The following DSCAML1 variants were observed in gnomAD, a reference collection of about 807,000 sequenced individuals.
DSCAML1 encodes the protein DS cell adhesion molecule like 1.
Under a neutral mutation model 200.5 loss-of-function variants are expected in DSCAML1, and 38 were observed. That is an observed-to-expected ratio of 0.19 (90% CI 0.15 to 0.25). The LOEUF (loss-of-function observed/expected upper bound fraction) is 0.25. Ranked by LOEUF, DSCAML1 falls within the 10% of genes least tolerant of loss-of-function variation. The pLI is 1.00. For synonymous variants in DSCAML1, 1,215 were observed against 1,165.0 expected (o/e 1.04, Z -0.87); for missense variants, 2,223 against 2,858.8 (o/e 0.78, Z 5.07).
At position 117,700,554 on chromosome 11, in the gene DSCAML1, C is replaced by T. The variant is rs112792143; in HGVS notation, c.511+76237G>A. On this transcript the variant is annotated intron_variant, in intron 3 of 32. Transcript: ENST00000651296. ...CCAGTATTGGGCCAGATGTAGCACA[C>T]GTGAGGCCAGCTAGCTAGTGACTGA... Among the ~76,000 whole-genome samples, 312 of 152,334 alleles carry T rather than the reference C, an allele frequency of 2.0e-3. 1 individual carries two copies. The highest frequency in any genetic ancestry group is 7.0e-3 in the African/African-American group (291 of 41,578).
At chr11:117,464,284 CAT>C (rs1235619042) in intron 17 of DSCAML1, among the ~76,000 whole-genome samples, 1 of 152,098 alleles carries the variant, frequency 6.6e-6, no homozygotes, top group African/African-American at 2.4e-5. Flanking sequence ...TCTCTGGGAG[CAT>C]CAGGGGCCAT....
intron 1 of DSCAML1, 62 bp downstream of exon 1, chr11:117,796,972 C>T: frequency 8.2e-7 from 1 of 1,217,614 alleles, no homozygotes; most frequent in Non-Finnish European, 1.0e-6. Context: ...CCCCGCCTCG[C>T]CGCCAGCCGC....
In DSCAML1 at chr11:117,433,424, A is replaced by C; in HGVS notation, c.4907+17T>G. On this transcript the variant is annotated intron_variant, in intron 28 of 32. Transcript: ENST00000651296. ...GGGGAGAAGGGAGGAGAAAGGAAGC[A>C]GCTTGGTGATACCCACCTTATCAAC... 1 of 1,613,356 alleles carries C rather than the reference A, an allele frequency of 6.2e-7. No individual in the cohort carries two copies. Among genetic ancestry groups the C allele is most frequent in the Non-Finnish European group, 8.5e-7 (1 of 1,179,862 alleles).
chr11:117,613,344 G>C (rs2051736076), intron 3 of DSCAML1, among the ~76,000 whole-genome samples: 1 of 152,110 alleles, frequency 6.6e-6, no homozygotes, highest in South Asian at 2.1e-4. Flanking sequence ...ATAAATCTGG[G>C]AAGACTCCCT....
chr11:117,639,098 G>A (rs2052348259), intron 3 of DSCAML1, among the ~76,000 whole-genome samples: 1 of 152,082 alleles, frequency 6.6e-6, no homozygotes, highest in Non-Finnish European at 1.5e-5. Context: ...TTAACAACTA[G>A]GGTCCAGAGG....
At chr11:117,462,884 C>T (rs2048508048) in intron 17 of DSCAML1, among the ~76,000 whole-genome samples, 1 of 152,246 alleles carries the variant, frequency 6.6e-6, no homozygotes, top group Non-Finnish European at 1.5e-5. Context: ...AAACTTTCTT[C>T]TCCCCTCTCC....
chr11:117,458,877 G>C lies in DSCAML1; in HGVS notation c.3445C>G (p.Arg1149Gly), dbSNP rs373841969. 2.5e-6 allele frequency: 4 copies of C among 1,613,858 alleles called. No individual in the cohort carries two copies. The East Asian group carries it at 8.9e-5, about 36-fold the overall frequency. ...ATGCCCCGCAGCTCCACCCGCTCCC[G>C]CGTGGTGGTGATGTTCTGCATCTCG... ...WGEMQNITTT[R>G]ERVELRGMEK... The change falls in exon 19 of 33, where the codon CGG becomes GGG. Residue 1149 changes from arginine to glycine, a missense_variant. Arg to Gly is a moderately radical substitution (Grantham distance 125). Transcript: ENST00000651296.
intron 16 of DSCAML1, among the ~76,000 whole-genome samples, chr11:117,467,156 C>T (rs1222212007): frequency 6.6e-6 from 1 of 151,796 alleles, no homozygotes; most frequent in Non-Finnish European, 1.5e-5. Context: ...CTGATAGACA[C>T]CCAGCCAGGT....
At chr11:117,533,814 CG>C (rs2050122253) in intron 3 of DSCAML1, among the ~76,000 whole-genome samples, 1 of 150,552 alleles carries the variant, frequency 6.6e-6, no homozygotes, top group Non-Finnish European at 1.5e-5. Flanking sequence ...GGTTGGGGGG[CG>C]GGGTTTGCAC....
At chr11:117,607,005 C>T (rs1448806344) in intron 3 of DSCAML1, among the ~76,000 whole-genome samples, 2 of 152,180 alleles carry the variant, frequency 1.3e-5, no homozygotes, top group African/African-American at 4.8e-5. Flanking sequence ...ACAGCCCTGC[C>T]CTTGGGAGAC....
chr11:117,487,468 C>T (rs996287261), intron 11 of DSCAML1, among the ~76,000 whole-genome samples: 2 of 152,046 alleles, frequency 1.3e-5, no homozygotes, highest in East Asian at 1.9e-4. Flanking sequence ...AGCAATTTGC[C>T]CAAGGTCACG....
intron 3 of DSCAML1, among the ~76,000 whole-genome samples, chr11:117,592,488 T>C (rs1446895852): frequency 1.3e-5 from 2 of 151,740 alleles, no homozygotes; most frequent in Admixed American, 1.3e-4. Context: ...TTCTTTGGTG[T>C]CTCCTGTGGG....
In DSCAML1 at chr11:117,431,138, G is replaced by A. The variant is rs986238640; in HGVS notation, c.5375-105C>T. The A allele has an allele frequency of 1.0e-4, 112 of 1,121,812 alleles. 1 individual carries two copies. The South Asian group carries it at 1.2e-3, about 12-fold the overall frequency. The allele number at this position is 1,121,812 out of a possible 1,614,324, so 69.5% of individuals were successfully genotyped here. A position where few individuals can be genotyped will look rare whatever the true frequency, so the allele number is the denominator to read the frequency against. ...ACCCCAGCAGCCATCTGTAAGTCTG[G>A]CCATGGAGGGCACCAGGCTGAGAAG... is the stretch of plus-strand genomic sequence containing the variant. On this transcript the variant is annotated intron_variant, in intron 31 of 32. Transcript: ENST00000651296.
chr11:117,514,881 C>T (rs552316111), intron 8 of DSCAML1, among the ~76,000 whole-genome samples: 7 of 152,332 alleles, frequency 4.6e-5, no homozygotes, highest in Non-Finnish European at 8.8e-5. Context: ...TGCACCCGGC[C>T]TTTCTTAACT....
intron 3 of DSCAML1, among the ~76,000 whole-genome samples, chr11:117,584,435 C>T (rs965122158): frequency 1.3e-5 from 2 of 152,210 alleles, no homozygotes; most frequent in Non-Finnish European, 1.5e-5. Flanking sequence ...GCTTGTTTGT[C>T]TGCATTCAGG....
At chr11:117,777,528 G>A (rs1023431013) in intron 2 of DSCAML1, among the ~76,000 whole-genome samples, 3 of 152,182 alleles carry the variant, frequency 2.0e-5, no homozygotes, top group African/African-American at 4.8e-5. Flanking sequence ...AGCTTACAAG[G>A]ACAAAGGGAG....
intron 18 of DSCAML1, among the ~76,000 whole-genome samples, chr11:117,460,546 T>C (rs898658636): frequency 6.6e-6 from 1 of 152,130 alleles, no homozygotes; most frequent in African/African-American, 2.4e-5. Flanking sequence ...AGGCCTTTAA[T>C]GGAGCATTTC....
intron 3 of DSCAML1, among the ~76,000 whole-genome samples, chr11:117,556,379 G>C (rs915680406): frequency 6.6e-6 from 1 of 152,172 alleles, no homozygotes; most frequent in African/African-American, 2.4e-5. Flanking sequence ...GGCCACAGAA[G>C]GTTTCTGGAG....
At chr11:117,796,608 G>C (rs1051248039) in intron 1 of DSCAML1, among the ~76,000 whole-genome samples, 7 of 152,240 alleles carry the variant, frequency 4.6e-5, no homozygotes, top group African/African-American at 1.7e-4. Context: ...ATCAGCCGCC[G>C]AGTCCGAGGC....
Sources: gnomAD v4.1 joint callset for allele counts (sites outside exome capture counted in the v4.1 genomes callset) on GRCh38, gnomAD v4.1.1 for gene constraint, MANE v1.5 for transcripts, NCBI Gene and HGNC (gene_info 2026-07-23, HGNC 2026-07-21) for gene names.